Variants in PREPL observed in about 807,000 individuals in gnomAD.
PREPL encodes prolyl endopeptidase-like.
In PREPL, 77 loss-of-function variants were observed where a neutral mutation model predicts 70.6. That is an observed-to-expected ratio of 1.09 (90% confidence interval 0.91 to 1.32). The LOEUF (loss-of-function observed/expected upper bound fraction) is 1.32. Ranked by LOEUF, PREPL falls within the 40% of genes most tolerant of loss-of-function variation. The pLI is 0.00. For missense variants in PREPL, 1,002 were observed against 778.2 expected (o/e 1.29, Z -3.42); for synonymous variants, 315 against 264.8 (o/e 1.19, Z -1.84).
Position 44,319,388 on chromosome 2 carries a change from G to C in PREPL, c.*1968C>G, listed in dbSNP as rs1672727584. 6.6e-6 allele frequency: 1 copy of C among 152,552 alleles called. No homozygotes were observed. Among genetic ancestry groups the C allele is most frequent in the African/African-American group, 2.4e-5 (1 of 41,432 alleles). 9.4% of individuals were successfully genotyped at this position (152,552 alleles called of 1,614,324 possible). A position where few individuals can be genotyped will look rare whatever the true frequency, so the allele number is the denominator to read the frequency against. ...AATCTATCTTAAGTAATACAAAAAT[G>C]GGGGGAGGGGAATAAAAATACAAAA... On this transcript the variant is annotated 3_prime_UTR_variant, in exon 14 of 14. Coordinates refer to ENST00000409411, the MANE Select transcript of PREPL (RefSeq NM_001171613.2).
rs1387603085 is a variant in PREPL, at chr2:44,320,008, C to T, written c.*1348G>A. The T allele has an allele frequency of 4.4e-5, 26 of 589,928 alleles. No individual in the cohort carries two copies. Among genetic ancestry groups the T allele is most frequent in the Non-Finnish European group, 7.5e-5 (25 of 335,136 alleles). The allele number at this position is 589,928 out of a possible 1,614,324, so 36.5% of individuals were successfully genotyped here. A position where few individuals can be genotyped will look rare whatever the true frequency, so the allele number is the denominator to read the frequency against. On this transcript the variant is annotated 3_prime_UTR_variant, in exon 14 of 14. Transcript: ENST00000409411. ...TTGACTCCCAGACAAGCCGAAACCC[C>T]GAATTTGTCATTTCTATCAGTTTTT...
At chr2:44,357,984 G>A (rs1252313406) in intron 1 of PREPL, among the ~76,000 whole-genome samples, 3 of 152,116 alleles carry the variant, frequency 2.0e-5, no homozygotes, top group African/African-American at 7.2e-5. Flanking sequence ...AACAGTAAAA[G>A]TCTAGGAAGA....
chr2:44,327,525 T>C (rs1406984020), intron 9 of PREPL, among the ~76,000 whole-genome samples: 1 of 152,044 alleles, frequency 6.6e-6, no homozygotes, highest in African/African-American at 2.4e-5. Flanking sequence ...CGACACAGCA[T>C]GTATAAGGGC....
At chr2:44,344,680 T>C (rs998114866) in intron 2 of PREPL, 94 bp from the exon 3 acceptor site, 1 of 889,672 alleles carries the variant, frequency 1.1e-6, no homozygotes. Context: ...AAGACTCTTA[T>C]AAAAAACAGA....
chr2:44,357,620 C>T (rs1263540819), intron 1 of PREPL, among the ~76,000 whole-genome samples: 1 of 152,172 alleles, frequency 6.6e-6, no homozygotes, highest in Non-Finnish European at 1.5e-5. Flanking sequence ...GGAAAAGTTG[C>T]TTCAGGAACA....
rs761628820 is a variant in PREPL, at chr2:44,359,624, T to C, written c.-49+1756A>G. The stretch of plus-strand genomic sequence containing the variant: ...ATTGTAACAATGATCAGCGAAGTTA[T>C]AGTGATTCAAATGCTGTTTCTGCAT... On this transcript the variant is annotated intron_variant, in intron 1 of 13. Transcript: ENST00000409411. 32 of 1,611,514 alleles carry C rather than the reference T, an allele frequency of 2.0e-5. No homozygotes were observed. The highest frequency in any genetic ancestry group is 2.6e-5 in the Non-Finnish European group (31 of 1,177,718).
rs562447816 is a variant in PREPL, at chr2:44,338,207, G to C, written c.888+144C>G. The C allele has an allele frequency of 1.2e-5, 9 of 771,610 alleles. No homozygotes were observed. The East Asian group carries it at 1.4e-4, about 12-fold the overall frequency. 47.8% of individuals were successfully genotyped at this position (771,610 alleles called of 1,614,324 possible). Reference sequence around the variant, plus strand: ...TCTAAGATAACCCTCCTAAACCCAAGAGTGACTTTGCTAAATTCCATTTAA... The same window carrying C: ...TCTAAGATAACCCTCCTAAACCCAACAGTGACTTTGCTAAATTCCATTTAA... On this transcript the variant is annotated intron_variant, in intron 7 of 13. Coordinates refer to ENST00000409411, the MANE Select transcript of PREPL (RefSeq NM_001171613.2).
chr2:44,352,062 A>C (rs747873119), intron 1 of PREPL, among the ~76,000 whole-genome samples: 3 of 152,152 alleles, frequency 2.0e-5, no homozygotes, highest in Admixed American at 6.5e-5. Context: ...GTTTCTTAGA[A>C]CTTGGGCCCT....
intron 12 of PREPL, among the ~76,000 whole-genome samples, chr2:44,322,138 C>A (rs1673029700): frequency 6.6e-6 from 1 of 152,124 alleles, no homozygotes; most frequent in African/African-American, 2.4e-5. Context: ...GCCACACGGA[C>A]AAGGTTGAAA....
upstream of PREPL, chr2:44,361,853 T>C (rs1677865279): frequency 7.7e-7 from 1 of 1,306,232 alleles, no homozygotes; most frequent in East Asian, 3.1e-5. Context: ...GAGATGCGAG[T>C]ACCGGAAATG....
At chr2:44,322,965 CT>C in intron 11 of PREPL, 111 bp from the exon 12 acceptor site, 1 of 1,374,890 alleles carries the variant, frequency 7.3e-7, no homozygotes. Context: ...GTGCTCTATG[CT>C]TTTTCTCACT....
intron 4 of PREPL, 43 bp downstream of exon 4, chr2:44,343,702 C>T (rs369501154): frequency 1.2e-4 from 178 of 1,540,384 alleles, no homozygotes; most frequent in Non-Finnish European, 1.5e-4. Flanking sequence ...AAAGTGTTAC[C>T]GTTGCCTTTC....
chr2:44,347,152 G>C (rs12475472), intron 1 of PREPL: 20,054 of 151,878 alleles, frequency 0.13, 1,617 homozygotes, highest in African/African-American at 0.23. Context: ...GCAACATAGC[G>C]AGACCCCGTC....
chr2:44,339,926 C>T (rs1045082080), intron 5 of PREPL, among the ~76,000 whole-genome samples: 16 of 152,000 alleles, frequency 1.1e-4, no homozygotes, highest in Non-Finnish European at 2.2e-4. Flanking sequence ...GAAGAAAACC[C>T]CTCACAATCT....
chr2:44,342,862 G>A (rs1310678492), intron 4 of PREPL, among the ~76,000 whole-genome samples: 1 of 152,122 alleles, frequency 6.6e-6, no homozygotes, highest in African/African-American at 2.4e-5. Flanking sequence ...GCTTTTAGGA[G>A]GTGAATTCCG....
At chr2:44,321,976 CTCT>C (rs1673007326) in intron 12 of PREPL, 76 bp from the exon 13 acceptor site, 1 of 1,421,702 alleles carries the variant, frequency 7.0e-7, no homozygotes, top group Non-Finnish European at 9.5e-7. Context: ...CATTCCTCCC[CTCT>C]TCTTTGAGTA....
chr2:44,328,801 G>C, intron 9 of PREPL, 136 bp downstream of exon 9: 2 of 894,990 alleles, frequency 2.2e-6, no homozygotes, highest in Non-Finnish European at 3.3e-6. Flanking sequence ...AGTTTCACCA[G>C]TGCTGGTTTA....
At chr2:44,344,300 G>A (rs1233929793) in intron 3 of PREPL, among the ~76,000 whole-genome samples, 1 of 152,052 alleles carries the variant, frequency 6.6e-6, no homozygotes, top group Non-Finnish European at 1.5e-5. Context: ...CACAGCAGAT[G>A]CTCAAAAAAT....
rs186417079 is a variant in PREPL, at chr2:44,355,587, C to G, written c.-49+5793G>C. Among the ~76,000 whole-genome samples the G allele has an allele frequency of 4.2e-3, 641 of 152,220 alleles. 1 individual carries two copies. Among genetic ancestry groups the G allele is most frequent in the African/African-American group, 0.015 (608 of 41,520 alleles). ...CACCCTGTAAAGACTCTCATCTTCA[C>G]TCATCTGAGTTACTGACAAGGCTTC... On this transcript the variant is annotated intron_variant, in intron 1 of 13. Coordinates refer to ENST00000409411, the MANE Select transcript of PREPL (RefSeq NM_001171613.2).
Sources: allele counts gnomAD v4.1 joint callset (sites outside exome capture counted in the v4.1 genomes callset), GRCh38; gene constraint gnomAD v4.1.1; transcripts MANE v1.5; gene names NCBI Gene and HGNC (gene_info 2026-07-23, HGNC 2026-07-21).